The following SECISBP2 variants were observed in gnomAD, a reference collection of about 807,000 sequenced individuals.
SECISBP2 encodes the protein SECIS binding protein 2, also known as selenocysteine insertion sequence-binding protein 2.
In SECISBP2, 96 loss-of-function variants were observed where a neutral mutation model predicts 98.2. The ratio of observed to expected loss-of-function variants is 0.98; its 90% CI spans 0.83 to 1.16. The LOEUF is 1.16. SECISBP2 is among the 50% of genes most tolerant of loss of function. The pLI, the probability that SECISBP2 is intolerant of heterozygous loss-of-function variation, is 0.00. For missense variants in SECISBP2, 1,046 were observed against 1,022.9 expected, an observed-to-expected ratio of 1.02 and a Z score of -0.31; for synonymous variants, 407 against 370.2, an observed-to-expected ratio of 1.10 and a Z score of -1.14.
Position 89,358,773 on chromosome 9 carries a change from A to G in SECISBP2, c.2514A>G (p.Leu838=), listed in dbSNP as rs753339876. 3 of 1,614,030 alleles carry G rather than the reference A, an allele frequency of 1.9e-6. No individual in the cohort carries two copies. The South Asian group carries it at 3.3e-5, about 18-fold the overall frequency. The change falls in exon 17 of 17, where the codon CTA becomes CTG. Residue 838 remains leucine, a synonymous_variant. Coordinates refer to ENST00000375807, the MANE Select transcript of SECISBP2 (RefSeq NM_024077.5). ...CATACAGTGGATGTACCCTGGAGCT[A>G]GAAGAATCCTTGGAGGCTTCAACCT... ...LEAYSGCTLE[L]EESLEASTSQ... is the part of the protein sequence containing the mutation.
At chr9:89,338,402 A>G (rs1241188805) in intron 7 of SECISBP2, 56 bp from the exon 8 acceptor site, 2 of 1,597,656 alleles carry the variant, frequency 1.3e-6, no homozygotes, top group African/African-American at 2.7e-5. Flanking sequence ...CATAGTATTA[A>G]ACATTCTATT....
chr9:89,366,249 G>A, the SECISBP2 span, among the ~76,000 whole-genome samples: 2 of 152,330 alleles, frequency 1.3e-5, no homozygotes, highest in South Asian at 4.1e-4. Context: ...AAAAATGGCT[G>A]GGATGCTGGT....
At chr9:89,346,129 G>A (rs774622720) in intron 10 of SECISBP2, among the ~76,000 whole-genome samples, 1 of 152,172 alleles carries the variant, frequency 6.6e-6, no homozygotes, top group Admixed American at 6.5e-5. Flanking sequence ...TGGACACAGG[G>A]GGTTTGTTTA....
At chr9:89,325,286 G>T in intron 2 of SECISBP2, 141 bp from the exon 3 acceptor site, 1 of 741,602 alleles carries the variant, frequency 1.3e-6, no homozygotes, top group Non-Finnish European at 2.2e-6. Flanking sequence ...GATTTTATTT[G>T]GCTTTTAATT....
At chr9:89,342,214 A>G (rs1451547095) in intron 10 of SECISBP2, among the ~76,000 whole-genome samples, 1 of 152,252 alleles carries the variant, frequency 6.6e-6, no homozygotes, top group African/African-American at 2.4e-5. Flanking sequence ...GGAAATAAAT[A>G]TTAATCAAAA....
chr9:89,338,168 G>T (rs543902492), intron 7 of SECISBP2, among the ~76,000 whole-genome samples: 1 of 152,178 alleles, frequency 6.6e-6, no homozygotes, highest in Admixed American at 6.5e-5. Context: ...GCTGGGATCA[G>T]GAAGGTCACG....
chr9:89,332,367 T>G (rs951677651), intron 5 of SECISBP2, among the ~76,000 whole-genome samples: 6 of 152,200 alleles, frequency 3.9e-5, no homozygotes, highest in Non-Finnish European at 7.3e-5. Flanking sequence ...ACTGTTGGTG[T>G]TGTGTCTTCT....
intron 10 of SECISBP2, among the ~76,000 whole-genome samples, chr9:89,344,448 C>T (rs1025335985): frequency 3.9e-5 from 6 of 152,060 alleles, no homozygotes; most frequent in Admixed American, 1.3e-4. Context: ...CTGGGTTTTA[C>T]GTTTAAGTCT....
intron 2 of SECISBP2, among the ~76,000 whole-genome samples, chr9:89,320,951 G>A (rs1825699898): frequency 6.6e-6 from 1 of 152,128 alleles, no homozygotes; most frequent in African/African-American, 2.4e-5. Context: ...AGTTTGTACT[G>A]TATATAAATT....
At chr9:89,334,820 A>G in intron 7 of SECISBP2, 90 bp downstream of exon 7, 1 of 983,178 alleles carries the variant, frequency 1.0e-6, no homozygotes. Flanking sequence ...ATGGGTAGAG[A>G]GTTTCAGTTT....
At chr9:89,350,439 G>A (rs1831110666) in intron 13 of SECISBP2, among the ~76,000 whole-genome samples, 193 bp from the exon 14 acceptor site, 1 of 152,194 alleles carries the variant, frequency 6.6e-6, no homozygotes, top group South Asian at 2.1e-4. Flanking sequence ...TTGGGAATGG[G>A]GGAAGATGCC....
intron 2 of SECISBP2, chr9:89,322,522 A>C (rs939115185): frequency 1.3e-5 from 2 of 152,278 alleles, no homozygotes; most frequent in Non-Finnish European, 1.5e-5. Flanking sequence ...GTTCATGCTA[A>C]TTCAAATAGG....
At chr9:89,360,187 T>C (rs75342172), downstream of SECISBP2, among the ~76,000 whole-genome samples, 1,049 of 152,296 alleles carry the variant, frequency 6.9e-3, 15 homozygotes, top group African/African-American at 0.024. Flanking sequence ...GTAGATGTGG[T>C]CAGCCAGGCC....
chr9:89,366,958 C>T, the SECISBP2 span, among the ~76,000 whole-genome samples: 3 of 152,144 alleles, frequency 2.0e-5, no homozygotes, highest in Non-Finnish European at 2.9e-5. Context: ...AATCACCCAA[C>T]GCCCCATCAT....
intron 4 of SECISBP2, among the ~76,000 whole-genome samples, chr9:89,327,018 C>G (rs1587864515): frequency 6.6e-6 from 1 of 152,014 alleles, no homozygotes; most frequent in Non-Finnish European, 1.5e-5. Flanking sequence ...AAATATTAGC[C>G]TGGCGTGGTG....
At chr9:89,335,034 G>A (rs1828400714) in intron 7 of SECISBP2, among the ~76,000 whole-genome samples, 1 of 152,084 alleles carries the variant, frequency 6.6e-6, no homozygotes, top group African/African-American at 2.4e-5. Flanking sequence ...CTAACACAGT[G>A]AAACCCCATC....
rs1829136396 is a variant in SECISBP2 at position 89,338,474 on chromosome 9, G to T, written c.1106G>T (p.Gly369Val). Residue 369 changes from glycine to valine, a missense_variant, in exon 8 of 17, where the codon GGT (glycine) becomes GTT (valine). By Grantham distance (109) the Gly-to-Val change is moderately radical. Transcript: ENST00000375807. ...CTGTTCTAGTCTAAAGCATCACAAG[G>T]TAGTGACCTTGAACAAAATGAAGCC... The part of the protein sequence containing the change: ...HPTQKSKASQ[G>V]SDLEQNEASR... 1.9e-6 allele frequency: 3 copies of T among 1,613,510 alleles called. No individual in the cohort carries two copies. Among genetic ancestry groups the T allele is most frequent in the Non-Finnish European group, 1.7e-6 (2 of 1,179,916 alleles).
intron 2 of SECISBP2, chr9:89,323,719 C>G (rs1753788822): frequency 6.6e-6 from 1 of 152,288 alleles, no homozygotes; most frequent in Admixed American, 6.5e-5. Flanking sequence ...CTGGAATTTC[C>G]CAGACATGCC....
chr9:89,318,533 C>A lies in SECISBP2; in HGVS notation c.-44C>A, dbSNP rs767054953. On this transcript the variant is annotated 5_prime_UTR_variant, in exon 1 of 17. Transcript: ENST00000375807. Reference sequence around the variant, plus strand: ...TTTGTCTGTCCGGCAAGCCGACGGCCCGCTGCTGGCCTCCGTGACGCGGCC... The same window carrying A: ...TTTGTCTGTCCGGCAAGCCGACGGCACGCTGCTGGCCTCCGTGACGCGGCC... 18 of 1,511,712 alleles carry A rather than the reference C, an allele frequency of 1.2e-5. No individual in the cohort carries two copies. The South Asian group carries it at 2.1e-4, about 17-fold the overall frequency. The allele number at this position is 1,511,712 out of a possible 1,614,324, so 93.6% of individuals were successfully genotyped here.
Sources: allele counts gnomAD v4.1 joint callset (sites outside exome capture counted in the v4.1 genomes callset), GRCh38; gene constraint gnomAD v4.1.1; transcripts MANE v1.5; gene names NCBI Gene and HGNC (gene_info 2026-07-23, HGNC 2026-07-21).